TUBAL3: variants seen among roughly 807,000 people sequenced by gnomAD.
TUBAL3 encodes the protein tubulin alpha chain-like 3.
Under a neutral mutation model 15.5 loss-of-function variants are expected in TUBAL3, and 16 were observed. The observed-to-expected ratio is 1.04, with a 90% CI of 0.70 to 1.57. The LOEUF is 1.57. Among genes scored for constraint, TUBAL3 ranks in the 40% most tolerant of loss-of-function variants. The pLI is 0.00. For synonymous variants in TUBAL3, 238 were observed against 224.3 expected, an observed-to-expected ratio of 1.06 and a Z score of -0.55; for missense variants, 609 against 576.2, an observed-to-expected ratio of 1.06 and a Z score of -0.58.
rs1831730754 is a variant in TUBAL3, at chr10:5,394,378, T to C, written c.480A>G (p.Leu160=). Residue 160 remains leucine (L), a synonymous_variant, in exon 4 of 4, where the codon TTA becomes TTG. Transcript: ENST00000380419. This position sits in a 1 kb window ranked among gnomAD's most constrained non-coding sequence, Gnocchi z 4.3. ...TATATTCTCCTGTGAGCCTCTCCAT[T>C]AAGAGAGACGTAAACCCTGAACCAG... The part of the protein sequence containing the change: ...GGTGSGFTSL[L]MERLTGEYSR... 1 of 1,613,968 alleles carries C rather than the reference T, an allele frequency of 6.2e-7. No homozygotes were observed. The highest frequency in any genetic ancestry group is 1.3e-5 in the African/African-American group (1 of 74,876).
chr10:5,393,392 A>C lies in TUBAL3; in HGVS notation c.*125T>G. 2.6e-6 allele frequency: 2 copies of C among 772,356 alleles called. No homozygotes were observed. Among genetic ancestry groups the C allele is most frequent in the Non-Finnish European group, 4.1e-6 (2 of 490,540 alleles). 47.8% of individuals were successfully genotyped at this position (772,356 alleles called of 1,614,324 possible). A position where few individuals can be genotyped will look rare whatever the true frequency, so the allele number is the denominator to read the frequency against. ...ACCCACTTAATTTAGTGTGGAACCTAGAGTCTTGCCTGATTTGAGTTCATT... is the reference window on the plus strand; with the variant it reads ...ACCCACTTAATTTAGTGTGGAACCTCGAGTCTTGCCTGATTTGAGTTCATT... On this transcript the variant is annotated 3_prime_UTR_variant, in exon 4 of 4. Transcript: ENST00000380419.
In TUBAL3 at chr10:5,396,861, A is replaced by G. The variant is rs1224887945; in HGVS notation, c.248-1386T>C. Among the ~76,000 whole-genome samples, 1 of 152,204 alleles carries G rather than the reference A, an allele frequency of 6.6e-6. No homozygotes were observed. The highest frequency in any genetic ancestry group is 1.5e-5 in the Non-Finnish European group (1 of 68,032). Reference sequence around the variant, plus strand: ...TGCCCTGGTTACTGTGGGATACTGCATTGCTTAGTAGTTAAATGCATGTTT... The same window carrying G: ...TGCCCTGGTTACTGTGGGATACTGCGTTGCTTAGTAGTTAAATGCATGTTT... On this transcript the variant is annotated intron_variant, in intron 2 of 3. Transcript: ENST00000380419. This position sits in a 1 kb window ranked among gnomAD's most constrained non-coding sequence, Gnocchi z 5.1.
In TUBAL3 at chr10:5,393,602, C is replaced by A. The variant is rs781957821; in HGVS notation, c.1256G>T (p.Gly419Val). 8.7e-6 allele frequency: 14 copies of A among 1,614,108 alleles called. No homozygotes were observed. The highest frequency in any genetic ancestry group is 1.3e-5 in the African/African-American group (1 of 74,934). ...RAFLHWYLREGMEEAEFLEAR... is the reference protein window; with the variant it reads ...RAFLHWYLREVMEEAEFLEAR... ...CTCCAAGAACTCTGCTTCTTCCATG[C>A]CTTCTCTGAGGTACCAGTGCAGAAA... The change falls in exon 4 of 4, where the codon GGC becomes GTC. Residue 419 changes from glycine (G) to valine (V), a missense_variant. Gly to Val is a moderately radical substitution (Grantham distance 109). Coordinates refer to ENST00000380419, the MANE Select transcript of TUBAL3 (RefSeq NM_024803.3).
Position 5,395,213 on chromosome 10 carries a change from C to T in TUBAL3, c.396+114G>A. On this transcript the variant is annotated intron_variant, in intron 3 of 3. Coordinates refer to ENST00000380419, the MANE Select transcript of TUBAL3 (RefSeq NM_024803.3). The surrounding 1 kb of genome is among the most constrained non-coding windows in gnomAD (Gnocchi z 4.6). ...CAGTTCTGAGCACCCAGACCAGAGC[C>T]CAGGGAGAGACGGTTGGTGGCGATG... 8.5e-7 allele frequency: 1 copy of T among 1,171,950 alleles called. No individual in the cohort carries two copies. The highest frequency in any genetic ancestry group is 2.1e-5 in the South Asian group (1 of 48,770). 72.6% of individuals were successfully genotyped at this position (1,171,950 alleles called of 1,614,324 possible).
chr10:5,398,596 C>T (rs1227604733), intron 2 of TUBAL3, among the ~76,000 whole-genome samples: 1 of 150,398 alleles, frequency 6.6e-6, no homozygotes, highest in Non-Finnish European at 1.5e-5. Flanking sequence ...GTCTCTCTCG[C>T]TCTAAAAAAC....
chr10:5,395,474 A>T lies in TUBAL3; in HGVS notation c.249T>A (p.Asp83Glu). The T allele has an allele frequency of 6.6e-7, 1 of 1,521,714 alleles. No individual in the cohort carries two copies. Among genetic ancestry groups the T allele is most frequent in the Non-Finnish European group, 8.9e-7 (1 of 1,124,306 alleles). 94.3% of individuals were successfully genotyped at this position (1,521,714 alleles called of 1,614,324 possible). ...LFVDLEPTVIDGIRTGQHRSL... is the reference protein window; with the variant it reads ...LFVDLEPTVIEGIRTGQHRSL... ...AACGGTGCTGGCCCGTCCGGATCCC[A>T]TCTGCAGAGGGTGAAAGGAGGTCAG... The change falls in exon 3 of 4, where the codon GAT becomes GAA. Residue 83 changes from aspartate (D) to glutamate (E), a missense_variant and splice_region_variant. Physicochemically the swap from Asp to Glu is conservative, Grantham distance 45. Transcript: ENST00000380419. This position sits in a 1 kb window ranked among gnomAD's most constrained non-coding sequence, Gnocchi z 4.6.
chr10:5,400,952 C>T lies in TUBAL3; in HGVS notation c.139G>A (p.Ala47Thr), dbSNP rs782199994. 7.4e-6 allele frequency: 12 copies of T among 1,614,236 alleles called. No individual in the cohort carries two copies. The highest frequency in any genetic ancestry group is 9.3e-6 in the Non-Finnish European group (11 of 1,180,032). The part of the protein sequence containing the change: ...LDTQQDQLEN[A>T]KMEHTNASFD... ...GATGCATTTGTGTGCTCCATTTTTG[C>T]ATTTTCCAGCTGATCCTGTTGAGTG... The change falls in exon 2 of 4, where the codon GCA becomes ACA. Residue 47 changes from alanine (A) to threonine (T), a missense_variant. Transcript: ENST00000380419.
rs141292428 is a variant in TUBAL3 at position 5,395,393 on chromosome 10, G to A, written c.330C>T (p.Tyr110=). Residue 110 remains tyrosine (Y), a synonymous_variant, in exon 3 of 4, where the codon TAC becomes TAT. Transcript: ENST00000380419. This position sits in a 1 kb window ranked among gnomAD's most constrained non-coding sequence, Gnocchi z 4.6. ...LSGKEDAANN[Y]ARGRYSVGSE... ...ACCCCACAGAGTAACGGCCTCGCGCGTAATTGTTAGCAGCATCCTCCTTTC... is the reference window on the plus strand; with the variant it reads ...ACCCCACAGAGTAACGGCCTCGCGCATAATTGTTAGCAGCATCCTCCTTTC... The A allele has an allele frequency of 2.2e-4, 358 of 1,606,878 alleles. 1 individual carries two copies. In the African/African-American group the frequency reaches 3.7e-3, roughly 17 times the overall value.
At chr10:5,403,965 G>A (rs1389282689) in intron 1 of TUBAL3, among the ~76,000 whole-genome samples, 2 of 152,256 alleles carry the variant, frequency 1.3e-5, no homozygotes, top group Admixed American at 6.5e-5. Flanking sequence ...AAGATCCCTT[G>A]CATCCGTTAC....
Position 5,393,752 on chromosome 10 carries a change from A to C in TUBAL3, c.1106T>G (p.Val369Gly), listed in dbSNP as rs1385573152. 8 of 1,614,086 alleles carry C rather than the reference A, an allele frequency of 5.0e-6. No individual in the cohort carries two copies. Among genetic ancestry groups the C allele is most frequent in the Non-Finnish European group, 5.1e-6 (6 of 1,180,046 alleles). The change falls in exon 4 of 4, where the codon GTG (valine) becomes GGG (glycine). Residue 369 changes from valine to glycine, a missense_variant. Transcript: ENST00000380419. Reference sequence around the variant, plus strand: ...TTTGGCCAGGTCCCCACCCGGCATCACCGTGGGCGGCCGATTGTTGATGCC... The same window carrying C: ...TTTGGCCAGGTCCCCACCCGGCATCCCCGTGGGCGGCCGATTGTTGATGCC... Reference protein sequence around the residue: ...KVGINNRPPTVMPGGDLAKVH... With the variant: ...KVGINNRPPTGMPGGDLAKVH...
At position 5,393,447 on chromosome 10, in the gene TUBAL3, G is replaced by T; in HGVS notation, c.*70C>A. Reference sequence around the variant, plus strand: ...TGCTCATCAGGGGAACTACCCACTAGGCATATAACGGCTTGAAAAGAAAAC... The same window carrying T: ...TGCTCATCAGGGGAACTACCCACTATGCATATAACGGCTTGAAAAGAAAAC... On this transcript the variant is annotated 3_prime_UTR_variant, in exon 4 of 4. Transcript: ENST00000380419. The T allele has an allele frequency of 7.3e-7, 1 of 1,367,910 alleles. No individual in the cohort carries two copies. Among genetic ancestry groups the T allele is most frequent in the Non-Finnish European group, 1.0e-6 (1 of 1,004,590 alleles). The allele number at this position is 1,367,910 out of a possible 1,614,324, so 84.7% of individuals were successfully genotyped here.
chr10:5,403,301 C>G (rs1466304739), intron 1 of TUBAL3, among the ~76,000 whole-genome samples: 2 of 152,300 alleles, frequency 1.3e-5, no homozygotes, highest in African/African-American at 4.8e-5. Context: ...GCTGCAAATA[C>G]ATCAGCTGCT....
At chr10:5,398,826 C>A (rs1831805748) in intron 2 of TUBAL3, among the ~76,000 whole-genome samples, 1 of 152,030 alleles carries the variant, frequency 6.6e-6, no homozygotes, top group Non-Finnish European at 1.5e-5. Context: ...CAAGATAATT[C>A]TTCTTCTTCC....
intron 1 of TUBAL3, among the ~76,000 whole-genome samples, chr10:5,403,103 G>A (rs529205514): frequency 6.6e-6 from 1 of 152,318 alleles, no homozygotes; most frequent in South Asian, 2.1e-4. Flanking sequence ...TACCTTAGTA[G>A]GGCTTCCATC....
In TUBAL3 at chr10:5,393,888, G is replaced by C. The variant is rs782078146; in HGVS notation, c.970C>G (p.Leu324Val). The part of the protein sequence containing the change: ...PRLGKYMACC[L>V]LYRGDVVPKE... ...GGGACCACATCCCCTCTATAGAGTA[G>C]GCAGCAGGCCATGTACTTCCCAAGC... Residue 324 changes from leucine to valine, a missense_variant, in exon 4 of 4, where the codon CTA (leucine) becomes GTA (valine). By Grantham distance (32) the Leu-to-Val change is conservative. Coordinates refer to ENST00000380419, the MANE Select transcript of TUBAL3 (RefSeq NM_024803.3). The C allele has an allele frequency of 1.5e-5, 24 of 1,614,212 alleles. No individual in the cohort carries two copies. The South Asian group carries it at 2.6e-4, about 18-fold the overall frequency.
Position 5,395,225 on chromosome 10 carries a change from G to T in TUBAL3, c.396+102C>A, listed in dbSNP as rs950532274. ...CCCAGACCAGAGCCCAGGGAGAGACGGTTGGTGGCGATGGTGACAGCAGAT... is the reference window on the plus strand; with the variant it reads ...CCCAGACCAGAGCCCAGGGAGAGACTGTTGGTGGCGATGGTGACAGCAGAT... On this transcript the variant is annotated intron_variant, in intron 3 of 3. Transcript: ENST00000380419. The surrounding 1 kb of genome is among the most constrained non-coding windows in gnomAD (Gnocchi z 4.6). 3.0e-5 allele frequency: 38 copies of T among 1,252,808 alleles called. No individual in the cohort carries two copies. The highest frequency in any genetic ancestry group is 3.9e-5 in the Non-Finnish European group (37 of 944,406). The allele number at this position is 1,252,808 out of a possible 1,614,324, so 77.6% of individuals were successfully genotyped here.
rs111836262 is a variant in TUBAL3 at position 5,397,897 on chromosome 10, C to T, written c.248-2422G>A. Among the ~76,000 whole-genome samples the T allele has an allele frequency of 6.6e-6, 1 of 152,156 alleles. No individual in the cohort carries two copies. The highest frequency in any genetic ancestry group is 1.5e-5 in the Non-Finnish European group (1 of 68,032). On this transcript the variant is annotated intron_variant, in intron 2 of 3. Coordinates refer to ENST00000380419, the MANE Select transcript of TUBAL3 (RefSeq NM_024803.3). This position sits in a 1 kb window ranked among gnomAD's most constrained non-coding sequence, Gnocchi z 4.9. ...CCAGACTCATCCCCTGCTTTGAGCT[C>T]CTGCTCACACCTATGCCTGGCCAAG... is the stretch of plus-strand genomic sequence containing the variant.
At chr10:5,401,664 T>C (rs1831852776) in intron 1 of TUBAL3, among the ~76,000 whole-genome samples, 1 of 151,884 alleles carries the variant, frequency 6.6e-6, no homozygotes, top group Non-Finnish European at 1.5e-5. Flanking sequence ...CAAGGCAAAA[T>C]GCAATAGATT....
rs774325532 is a variant in TUBAL3, at chr10:5,393,861, T to G, written c.997A>C (p.Lys333Gln). Reference protein sequence around the residue: ...CLLYRGDVVPKEVNAAIAATK... With the variant: ...CLLYRGDVVPQEVNAAIAATK... ...GCTGCGATTGCTGCATTCACTTCCTTGGGGACCACATCCCCTCTATAGAGT... is the reference window on the plus strand; with the variant it reads ...GCTGCGATTGCTGCATTCACTTCCTGGGGGACCACATCCCCTCTATAGAGT... Residue 333 changes from lysine (K) to glutamine (Q), a missense_variant, in exon 4 of 4, where the codon AAG (lysine) becomes CAG (glutamine). Transcript: ENST00000380419. 2.6e-5 allele frequency: 42 copies of G among 1,614,186 alleles called. No homozygotes were observed. In the East Asian group the frequency reaches 9.4e-4, roughly 36 times the overall value.
Sources: gnomAD v4.1 joint callset for allele counts (sites outside exome capture counted in the v4.1 genomes callset) on GRCh38, gnomAD v4.1.1 for gene constraint, Gnocchi (gnomAD v3.1) non-coding constraint, MANE v1.5 for transcripts, NCBI Gene and HGNC (gene_info 2026-07-23, HGNC 2026-07-21) for gene names.